ZMYM4: variants seen among roughly 807,000 people sequenced by gnomAD.
ZMYM4 encodes the protein zinc finger MYM-type protein 4.
In ZMYM4, 31 loss-of-function variants were observed where a neutral mutation model predicts 183.2. That is an observed-to-expected ratio of 0.17 (90% confidence interval 0.13 to 0.23). The LOEUF is 0.23. Among genes scored for constraint, ZMYM4 ranks in the 10% least tolerant of loss-of-function variants. The pLI is 1.00. For synonymous variants in ZMYM4, 592 were observed against 631.2 expected, an observed-to-expected ratio of 0.94 and a Z score of 0.93; for missense variants, 1,273 against 1,840.3, an observed-to-expected ratio of 0.69 and a Z score of 5.64.
Position 35,398,981 on chromosome 1 carries a change from C to T in ZMYM4, c.3371C>T (p.Ser1124Leu). Reference sequence around the variant, plus strand: ...TCAAATGCTGTGCAAGAGGCTGATTCAGAATTGAAGCAGTTCTCAAAAGGG... The same window carrying T: ...TCAAATGCTGTGCAAGAGGCTGATTTAGAATTGAAGCAGTTCTCAAAAGGG... ...LKSNAVQEAD[S>L]ELKQFSKGET... The change falls in exon 22 of 30, where the codon TCA (serine) becomes TTA (leucine). Residue 1124 changes from serine (S) to leucine (L), a missense_variant. Physicochemically the swap from Ser to Leu is moderately radical, Grantham distance 145. Around this residue, in one of 6 missense-constraint regions of ZMYM4, gnomAD observed 290 missense variants for 353.3 expected, o/e 0.82. Coordinates refer to ENST00000314607, the MANE Select transcript of ZMYM4 (RefSeq NM_005095.3). 1 of 1,614,076 alleles carries T rather than the reference C, an allele frequency of 6.2e-7. No homozygotes were observed. Among genetic ancestry groups the T allele is most frequent in the Non-Finnish European group, 8.5e-7 (1 of 1,179,994 alleles).
intron 2 of ZMYM4, among the ~76,000 whole-genome samples, chr1:35,347,565 A>G (rs1366876760): frequency 6.6e-6 from 1 of 152,062 alleles, no homozygotes; most frequent in Non-Finnish European, 1.5e-5. Flanking sequence ...AATTAGGTTT[A>G]GGGCTTGAAC....
chr1:35,300,095 A>G (rs1431316168), intron 1 of ZMYM4, among the ~76,000 whole-genome samples: 1 of 152,174 alleles, frequency 6.6e-6, no homozygotes, highest in African/African-American at 2.4e-5. Flanking sequence ...ATGCCCGGCA[A>G]CAGAGATTCT....
At position 35,392,704 on chromosome 1, in the gene ZMYM4, T is replaced by C. The variant is rs1234857806; in HGVS notation, c.2766+20T>C. On this transcript the variant is annotated intron_variant, in intron 17 of 29. Transcript: ENST00000314607. ...GGTGATGTAAGTTTTATTACTTTTA[T>C]TGGTATTGTCACTGTATTTATTTTT... The C allele has an allele frequency of 6.3e-7, 1 of 1,583,950 alleles. No homozygotes were observed. The highest frequency in any genetic ancestry group is 8.6e-7 in the Non-Finnish European group (1 of 1,165,260).
intron 1 of ZMYM4, among the ~76,000 whole-genome samples, chr1:35,284,025 G>A (rs568279334): frequency 4.6e-4 from 69 of 151,162 alleles, no homozygotes; most frequent in South Asian, 1.3e-3. Context: ...GCTGGACTGC[G>A]GACTGCAGTG....
intron 1 of ZMYM4, among the ~76,000 whole-genome samples, chr1:35,273,219 A>G (rs552928570): frequency 6.6e-6 from 1 of 152,274 alleles, no homozygotes; most frequent in African/African-American, 2.4e-5. Context: ...TATAGAGAGA[A>G]TTAAGTTCAT....
intron 2 of ZMYM4, among the ~76,000 whole-genome samples, chr1:35,330,932 T>C (rs1051763620): frequency 2.0e-5 from 3 of 152,166 alleles, no homozygotes; most frequent in Non-Finnish European, 2.9e-5. Context: ...TCAGAAATAG[T>C]TTTAGGTATA....
intron 23 of ZMYM4, among the ~76,000 whole-genome samples, chr1:35,403,129 A>T (rs1644941597): frequency 6.6e-6 from 1 of 152,160 alleles, no homozygotes; most frequent in South Asian, 2.1e-4. Context: ...TGAGGTGATT[A>T]TCTGGTTTTC....
intron 1 of ZMYM4, among the ~76,000 whole-genome samples, chr1:35,271,141 A>G (rs1368849790): frequency 6.6e-6 from 1 of 152,194 alleles, no homozygotes; most frequent in East Asian, 1.9e-4. Flanking sequence ...TATACAGGGT[A>G]AATTACTTAA....
At chr1:35,341,185 T>C (rs1195835215) in intron 2 of ZMYM4, among the ~76,000 whole-genome samples, 1 of 152,174 alleles carries the variant, frequency 6.6e-6, no homozygotes, top group Non-Finnish European at 1.5e-5. Flanking sequence ...GACATTTATC[T>C]GCTGGGTCAA....
At chr1:35,306,502 C>T (rs1018152466) in intron 1 of ZMYM4, among the ~76,000 whole-genome samples, 1 of 152,068 alleles carries the variant, frequency 6.6e-6, no homozygotes, top group African/African-American at 2.4e-5. Context: ...CTTTTTGTTT[C>T]ATTTTATTTT....
intron 5 of ZMYM4, among the ~76,000 whole-genome samples, chr1:35,364,111 C>G (rs1644011101): frequency 6.6e-6 from 1 of 152,168 alleles, no homozygotes; most frequent in South Asian, 2.1e-4. Context: ...TTTTTATATA[C>G]TTATTCAGAA....
chr1:35,295,781 T>C (rs959805556), intron 1 of ZMYM4: 1 of 152,104 alleles, frequency 6.6e-6, no homozygotes, highest in African/African-American at 2.4e-5. Context: ...CAGTCAAGAG[T>C]CTGGCTGGGC....
intron 1 of ZMYM4, among the ~76,000 whole-genome samples, chr1:35,272,140 A>G (rs566180792): frequency 1.1e-4 from 17 of 152,274 alleles, no homozygotes; most frequent in African/African-American, 3.9e-4. Flanking sequence ...CAAGCCGATT[A>G]ATGGGGACTA....
At chr1:35,288,458 G>A (rs1434669252) in intron 1 of ZMYM4, among the ~76,000 whole-genome samples, 3 of 152,182 alleles carry the variant, frequency 2.0e-5, no homozygotes, top group Non-Finnish European at 4.4e-5. Flanking sequence ...TTCTTTGTGG[G>A]AGAGTTTCTT....
chr1:35,271,690 A>G (rs1365101868), intron 1 of ZMYM4, among the ~76,000 whole-genome samples: 3 of 152,228 alleles, frequency 2.0e-5, no homozygotes, highest in African/African-American at 7.2e-5. Context: ...GGTGTGAGCT[A>G]CCGGGCCTGG....
intron 2 of ZMYM4, among the ~76,000 whole-genome samples, chr1:35,338,905 T>A (rs1022926672): frequency 6.6e-6 from 1 of 152,264 alleles, no homozygotes; most frequent in Non-Finnish European, 1.5e-5. Flanking sequence ...TCATCTCTTA[T>A]GTCTTCATAA....
chr1:35,375,068 T>C (rs1037579342), intron 7 of ZMYM4, among the ~76,000 whole-genome samples: 1 of 152,148 alleles, frequency 6.6e-6, no homozygotes, highest in Non-Finnish European at 1.5e-5. Context: ...TCTTTTACCC[T>C]TTTTTTATTC....
chr1:35,307,388 G>A (rs1641579896), intron 1 of ZMYM4, among the ~76,000 whole-genome samples: 1 of 151,892 alleles, frequency 6.6e-6, no homozygotes, highest in South Asian at 2.1e-4. Flanking sequence ...GTCTGGCTGT[G>A]ACATCACATG....
In ZMYM4 at chr1:35,359,226, A is replaced by G. The variant is rs897234787; in HGVS notation, c.387A>G (p.Gln129=). 6 of 1,610,334 alleles carry G rather than the reference A, an allele frequency of 3.7e-6. No individual in the cohort carries two copies. The highest frequency in any genetic ancestry group is 5.1e-6 in the Non-Finnish European group (6 of 1,178,530). The change falls in exon 3 of 30, where the codon CAA becomes CAG. Residue 129 remains glutamine (Q), a synonymous_variant. Transcript: ENST00000314607. ...AATCAGACAATGAAAATGAAATACA[A>G]ATTCAAAATAAGTTAAAAAAAGACT... ...QHESDNENEI[Q]IQNKLKKDFP... is the part of the protein sequence containing the mutation.
Sources: allele counts gnomAD v4.1 joint callset (sites outside exome capture counted in the v4.1 genomes callset), GRCh38; gene constraint gnomAD v4.1.1; regional missense constraint gnomAD v4.1.1; transcripts MANE v1.5; gene names NCBI Gene and HGNC (gene_info 2026-07-23, HGNC 2026-07-21).